POMT2: variants seen among roughly 807,000 people sequenced by gnomAD.
The protein encoded by POMT2 is protein O-mannosyl-transferase 2.
A neutral mutation model predicts 100.0 loss-of-function variants in POMT2; 75 were observed. The ratio of observed to expected loss-of-function variants is 0.75; its 90% CI spans 0.62 to 0.91. POMT2 has a LOEUF of 0.91. Ranked by LOEUF, POMT2 falls within the 40% of genes least tolerant of loss-of-function variation. The pLI is 0.00. For synonymous variants in POMT2, 378 were observed against 374.1 expected (o/e 1.01, Z -0.12); for missense variants, 940 against 955.1 (o/e 0.98, Z 0.21).
chr14:77,313,338 A>G (rs901545382), intron 1 of POMT2, among the ~76,000 whole-genome samples: 2 of 152,256 alleles, frequency 1.3e-5, no homozygotes, highest in African/African-American at 2.4e-5. Flanking sequence ...CAGTGAGGAC[A>G]TTGGCATGGT....
intron 9 of POMT2, 75 bp from the exon 10 acceptor site, chr14:77,291,455 G>C: frequency 6.4e-7 from 1 of 1,561,398 alleles, no homozygotes; most frequent in East Asian, 2.3e-5. Flanking sequence ...AGCTGGCCAA[G>C]GACAATCAAC....
intron 1 of POMT2, among the ~76,000 whole-genome samples, chr14:77,316,151 T>C (rs548445050): frequency 6.6e-6 from 1 of 152,352 alleles, no homozygotes; most frequent in South Asian, 2.1e-4. Context: ...CTTAGTTAAC[T>C]ACTCAACACT....
At chr14:77,320,393 G>C in intron 1 of POMT2, 41 bp downstream of exon 1, 2 of 1,543,588 alleles carry the variant, frequency 1.3e-6, no homozygotes, top group Non-Finnish European at 1.7e-6. Flanking sequence ...GCGTCCCGTC[G>C]CGGTTGCCAT....
chr14:77,291,337 A>T lies in POMT2; in HGVS notation c.1160T>A (p.Ile387Asn). Residue 387 changes from isoleucine (I) to asparagine (N), a missense_variant, in exon 10 of 21, where the codon ATC becomes AAC. Transcript: ENST00000261534. ...LHKDYNNLWI[I>N]KKHNTNSDPL... is the part of the protein sequence containing the mutation. The stretch of plus-strand genomic sequence containing the variant: ...ACCTGAGTTTGTGTTATGTTTCTTG[A>T]TAATCCACAGGTTGTTGTAGTCCTT... 6.3e-7 allele frequency: 1 copy of T among 1,578,636 alleles called. No homozygotes were observed. The highest frequency in any genetic ancestry group is 8.6e-7 in the Non-Finnish European group (1 of 1,165,450).
At chr14:77,281,251 CT>C (rs966028452) in intron 15 of POMT2, among the ~76,000 whole-genome samples, 1 of 152,108 alleles carries the variant, frequency 6.6e-6, no homozygotes, top group Non-Finnish European at 1.5e-5. Context: ...GCTTCTCCAC[CT>C]TTTTTTTCCA....
intron 5 of POMT2, 34 bp downstream of exon 5, chr14:77,302,801 C>T: frequency 6.4e-7 from 1 of 1,571,648 alleles, no homozygotes; most frequent in Non-Finnish European, 8.7e-7. Flanking sequence ...GCCACAGCTT[C>T]CAACCCTCCC....
rs1890070274 is a variant in POMT2, at chr14:77,278,502, A to G, written c.2039T>C (p.Leu680Pro). The G allele has an allele frequency of 1.4e-6, 2 of 1,476,040 alleles. No individual in the cohort carries two copies. Among genetic ancestry groups the G allele is most frequent in the Non-Finnish European group, 1.8e-6 (2 of 1,082,424 alleles). 91.4% of individuals were successfully genotyped at this position (1,476,040 alleles called of 1,614,324 possible). A position where few individuals can be genotyped will look rare whatever the true frequency, so the allele number is the denominator to read the frequency against. ...MLFSSMLTGI[L>P]WDTLLRLCAW... ...ACAGAGCCGCAGGAGGGTGTCCCACAGAATGCCTAGAGGAGAGGAGAGAAA... is the reference window on the plus strand; with the variant it reads ...ACAGAGCCGCAGGAGGGTGTCCCACGGAATGCCTAGAGGAGAGGAGAGAAA... The change falls in exon 20 of 21, where the codon CTG (leucine) becomes CCG (proline). Residue 680 changes from leucine (L) to proline (P), a missense_variant. By Grantham distance (98) the Leu-to-Pro change is moderately conservative (BLOSUM62 -3). Transcript: ENST00000261534.
chr14:77,320,240 C>A, intron 1 of POMT2, 194 bp downstream of exon 1: 2 of 890,186 alleles, frequency 2.2e-6, no homozygotes, highest in Non-Finnish European at 3.5e-6. Flanking sequence ...TCCCACTGCC[C>A]CACCACCAGA....
At chr14:77,300,164 C>T (rs1409205295) in intron 6 of POMT2, 2 of 158,064 alleles carry the variant, frequency 1.3e-5, no homozygotes, top group African/African-American at 4.9e-5. Flanking sequence ...GATCTTTACA[C>T]ATTTTCTGAA....
intron 12 of POMT2, 49 bp downstream of exon 12, chr14:77,286,695 C>G (rs1890434779): frequency 6.2e-7 from 1 of 1,612,190 alleles, no homozygotes; most frequent in Admixed American, 1.7e-5. Context: ...AGCCCTGAGC[C>G]AAGGCCCATA....
intron 2 of POMT2, among the ~76,000 whole-genome samples, chr14:77,310,713 C>T (rs1000555239): frequency 1.3e-5 from 2 of 152,198 alleles, no homozygotes; most frequent in African/African-American, 4.8e-5. Flanking sequence ...CTCCAAGATC[C>T]CTCCCCACTT....
intron 15 of POMT2, among the ~76,000 whole-genome samples, chr14:77,282,030 G>A (rs1291034427): frequency 6.6e-6 from 1 of 152,176 alleles, no homozygotes; most frequent in Non-Finnish European, 1.5e-5. Context: ...ACACAAAGGG[G>A]ACAGCTGCAC....
intron 3 of POMT2, among the ~76,000 whole-genome samples, 164 bp from the exon 4 acceptor site, chr14:77,304,964 T>C (rs1431010003): frequency 6.6e-6 from 1 of 152,158 alleles, no homozygotes; most frequent in East Asian, 1.9e-4. Context: ...AGTATTGTAA[T>C]AGTGAAGAGC....
chr14:77,296,209 G>A lies in POMT2; in HGVS notation c.1071C>T (p.Ser357=). 6.2e-7 allele frequency: 1 copy of A among 1,609,522 alleles called. No homozygotes were observed. Among genetic ancestry groups the A allele is most frequent in the East Asian group, 2.2e-5 (1 of 44,762 alleles). Residue 357 remains serine, a synonymous_variant, in exon 9 of 21, where the codon TCC becomes TCT. Coordinates refer to ENST00000261534, the MANE Select transcript of POMT2 (RefSeq NM_013382.7). ...NLRMAIGYLH[S]HRHLYPEGIG... is the part of the protein sequence containing the mutation. ...TGCCCTCGGGGTAGAGGTGCCTGTG[G>A]GAGTGCAGATAGCCGATGGCCATCC...
intron 2 of POMT2, chr14:77,306,961 A>G (rs990214929): frequency 5.9e-6 from 1 of 170,228 alleles, no homozygotes; most frequent in African/African-American, 2.4e-5. Context: ...AGAGGGGAAG[A>G]GAAAAACTGC....
intron 1 of POMT2, 92 bp from the exon 2 acceptor site, chr14:77,312,125 G>T: frequency 6.6e-7 from 1 of 1,523,618 alleles, no homozygotes; most frequent in Non-Finnish European, 8.8e-7. Context: ...TAAAGGCTAT[G>T]CATTTCAAAC....
chr14:77,299,656 G>C lies in POMT2; in HGVS notation c.817-95C>G. On this transcript the variant is annotated intron_variant, in intron 6 of 20. Transcript: ENST00000261534. ...ATTATATATAGCTTTTAATATATCA[G>C]TCATAATCATAAAAAATGGCCAAGA... 5 of 954,224 alleles carry C rather than the reference G, an allele frequency of 5.2e-6. No homozygotes were observed. In the South Asian group the frequency reaches 6.6e-5, roughly 13 times the overall value. The allele number at this position is 954,224 out of a possible 1,614,324, so 59.1% of individuals were successfully genotyped here. A position where few individuals can be genotyped will look rare whatever the true frequency, so the allele number is the denominator to read the frequency against.
intron 6 of POMT2, chr14:77,300,878 T>C (rs1445531945): frequency 1.4e-6 from 1 of 690,502 alleles, no homozygotes; most frequent in East Asian, 2.9e-5. Context: ...TCCAAGAATG[T>C]TAATCTATCC....
At chr14:77,278,913 C>A (rs772349419) in intron 18 of POMT2, 44 bp from the exon 19 acceptor site, 1 of 1,592,284 alleles carries the variant, frequency 6.3e-7, no homozygotes, top group South Asian at 1.1e-5. Flanking sequence ...AAGGAGCGGG[C>A]AGAGATTCCA....
Sources: allele counts gnomAD v4.1 joint callset (sites outside exome capture counted in the v4.1 genomes callset), GRCh38; gene constraint gnomAD v4.1.1; transcripts MANE v1.5; gene names NCBI Gene and HGNC (gene_info 2026-07-23, HGNC 2026-07-21).